Variants in ASIC2 observed in about 807,000 individuals in gnomAD.
ASIC2 encodes the protein acid-sensing ion channel 2.
In ASIC2, 25 loss-of-function variants were observed where a neutral mutation model predicts 57.3. The observed-to-expected ratio is 0.44, with a 90% CI of 0.32 to 0.61. The LOEUF is 0.61. ASIC2 is among the 20% of genes least tolerant of loss of function. The pLI is 0.06. For missense variants in ASIC2, 641 were observed against 738.1 expected (o/e 0.87, Z 1.52); for synonymous variants, 319 against 307.5 (o/e 1.04, Z -0.39).
At chr17:33,878,563 A>G (rs1914613380) in intron 1 of ASIC2, among the ~76,000 whole-genome samples, 1 of 152,212 alleles carries the variant, frequency 6.6e-6, no homozygotes, top group African/African-American at 2.4e-5. Flanking sequence ...GAGAAAAAAG[A>G]ATAAAAAGAA....
intron 3 of ASIC2, among the ~76,000 whole-genome samples, chr17:33,040,755 G>A (rs1240098739): frequency 6.6e-6 from 1 of 152,210 alleles, no homozygotes. Flanking sequence ...TTTTCAGACA[G>A]CATAGTCAAA....
intron 1 of ASIC2, among the ~76,000 whole-genome samples, chr17:33,703,417 A>G (rs1908769190): frequency 1.3e-5 from 2 of 151,620 alleles, no homozygotes; most frequent in Non-Finnish European, 2.9e-5. Context: ...CAGTGGCATG[A>G]TCTCTGCTTA....
intron 1 of ASIC2, among the ~76,000 whole-genome samples, chr17:33,886,269 C>T (rs1024505636): frequency 6.6e-6 from 1 of 152,074 alleles, no homozygotes; most frequent in African/African-American, 2.4e-5. Context: ...TGCTTCTATC[C>T]ACATCACATC....
intron 1 of ASIC2, among the ~76,000 whole-genome samples, chr17:33,451,979 T>C (rs910915000): frequency 5.3e-5 from 8 of 152,236 alleles, no homozygotes; most frequent in African/African-American, 1.9e-4. Flanking sequence ...GTTAGTTACA[T>C]GATATGCACG....
At chr17:33,372,845 C>T (rs1215417773) in intron 1 of ASIC2, among the ~76,000 whole-genome samples, 1 of 152,176 alleles carries the variant, frequency 6.6e-6, no homozygotes, top group East Asian at 1.9e-4. Context: ...TGCCCCTCAT[C>T]GTGGTCTCAG....
At chr17:34,015,929 T>A (rs190358560) in intron 1 of ASIC2, among the ~76,000 whole-genome samples, 73 of 152,350 alleles carry the variant, frequency 4.8e-4, no homozygotes, top group Non-Finnish European at 8.4e-4. Context: ...ATGAGGCTCA[T>A]ATGGGATAAT....
intron 1 of ASIC2, among the ~76,000 whole-genome samples, chr17:33,255,108 C>G (rs185637099): frequency 1.7e-4 from 24 of 139,480 alleles, no homozygotes; most frequent in African/African-American, 5.7e-4. Context: ...GGCACGATCT[C>G]GGCTCACTGA....
At chr17:34,136,988 T>C (rs912044672) in intron 1 of ASIC2, among the ~76,000 whole-genome samples, 1 of 152,198 alleles carries the variant, frequency 6.6e-6, no homozygotes, top group Non-Finnish European at 1.5e-5. Context: ...TCTTTTCACT[T>C]GTTATATTCT....
At chr17:33,014,522 G>T (rs1438066348) in intron 9 of ASIC2, among the ~76,000 whole-genome samples, 2 of 151,996 alleles carry the variant, frequency 1.3e-5, no homozygotes, top group Non-Finnish European at 2.9e-5. Flanking sequence ...CTCAGAGCCA[G>T]AGCTGGTCAG....
intron 1 of ASIC2, among the ~76,000 whole-genome samples, chr17:34,111,448 A>T (rs1027533802): frequency 7.2e-5 from 11 of 151,982 alleles, no homozygotes; most frequent in Non-Finnish European, 1.0e-4. Context: ...AAGATATGTT[A>T]CAGTAGGTGT....
At chr17:33,405,178 C>T (rs1910424327) in intron 1 of ASIC2, among the ~76,000 whole-genome samples, 3 of 152,026 alleles carry the variant, frequency 2.0e-5, no homozygotes, top group Admixed American at 2.0e-4. Flanking sequence ...ATCATATCTC[C>T]AGAGTTGGAA....
chr17:34,109,010 T>C (rs1255506734), intron 1 of ASIC2, among the ~76,000 whole-genome samples: 2 of 148,946 alleles, frequency 1.3e-5, no homozygotes, highest in Admixed American at 1.4e-4. Context: ...ATTTTGTCTA[T>C]TTTCTTTTTT....
chr17:33,996,830 G>A (rs1906176038), intron 1 of ASIC2, among the ~76,000 whole-genome samples: 1 of 152,104 alleles, frequency 6.6e-6, no homozygotes. Flanking sequence ...GGTTGTTTTG[G>A]CCATTCAGGG....
At chr17:33,187,172 T>C (rs778093165) in intron 1 of ASIC2, among the ~76,000 whole-genome samples, 5 of 152,332 alleles carry the variant, frequency 3.3e-5, no homozygotes, top group Non-Finnish European at 7.3e-5. Context: ...CTGCAATACC[T>C]GCAGCTAGCT....
At chr17:33,137,812 G>A (rs1418598351) in intron 1 of ASIC2, among the ~76,000 whole-genome samples, 2 of 152,226 alleles carry the variant, frequency 1.3e-5, no homozygotes, top group East Asian at 1.9e-4. Flanking sequence ...TTCCTCACCT[G>A]ACTTGTTCTC....
intron 1 of ASIC2, among the ~76,000 whole-genome samples, chr17:33,384,495 C>T (rs979923563): frequency 6.6e-6 from 1 of 152,084 alleles, no homozygotes; most frequent in Non-Finnish European, 1.5e-5. Flanking sequence ...CTTCCAGGTG[C>T]CATCCACATT....
chr17:33,792,941 C>T (rs1415354657), intron 1 of ASIC2: 1 of 152,218 alleles, frequency 6.6e-6, no homozygotes, highest in African/African-American at 2.4e-5. Context: ...ACACCCTCTC[C>T]AAATGGCCAA....
intron 1 of ASIC2, among the ~76,000 whole-genome samples, chr17:33,453,162 G>T (rs772871032): frequency 6.6e-6 from 1 of 151,862 alleles, no homozygotes; most frequent in Non-Finnish European, 1.5e-5. Context: ...ATGTTTGTGG[G>T]GTCTGAGATT....
chr17:33,668,515 A>G (rs1341353749), intron 1 of ASIC2, among the ~76,000 whole-genome samples: 1 of 152,082 alleles, frequency 6.6e-6, no homozygotes, highest in African/African-American at 2.4e-5. Context: ...TTCCGCAGCC[A>G]AGAAACAGTT....
Sources: allele counts gnomAD v4.1 joint callset (sites outside exome capture counted in the v4.1 genomes callset), GRCh38; gene constraint gnomAD v4.1.1; transcripts MANE v1.5; gene names NCBI Gene and HGNC (gene_info 2026-07-23, HGNC 2026-07-21).